Variants in C14orf180 observed in about 807,000 individuals in gnomAD.
C14orf180 encodes the protein nutritionally-regulated adipose and cardiac enriched protein homolog.
Under a neutral mutation model 13.9 loss-of-function variants are expected in C14orf180, and 13 were observed. That is an observed-to-expected ratio of 0.94 (90% confidence interval 0.61 to 1.49). C14orf180 has a LOEUF of 1.49. Among genes scored for constraint, C14orf180 ranks in the 40% most tolerant of loss-of-function variants. C14orf180 has a pLI of 0.00. For synonymous variants in C14orf180, 113 were observed against 106.3 expected (o/e 1.06, Z -0.39); for missense variants, 238 against 232.0 (o/e 1.03, Z -0.17).
At chr14:104,584,143 C>G (rs1247038340) in intron 1 of C14orf180, among the ~76,000 whole-genome samples, 1 of 152,240 alleles carries the variant, frequency 6.6e-6, no homozygotes, top group Non-Finnish European at 1.5e-5. Context: ...CTGCGTCCAG[C>G]CCTGCATCCC....
At chr14:104,584,087 C>G (rs1886530624) in intron 1 of C14orf180, among the ~76,000 whole-genome samples, 1 of 152,224 alleles carries the variant, frequency 6.6e-6, no homozygotes, top group African/African-American at 2.4e-5. Context: ...GACCCCAGGC[C>G]AAGGAGGGGT....
chr14:104,589,632 G>A lies in C14orf180; in HGVS notation c.*849G>A, dbSNP rs2140471863. 6.5e-6 allele frequency: 1 copy of A among 152,768 alleles called. No homozygotes were observed. Among genetic ancestry groups the A allele is most frequent in the South Asian group, 2.1e-4 (1 of 4,826 alleles). 9.5% of individuals were successfully genotyped at this position (152,768 alleles called of 1,614,324 possible). A position where few individuals can be genotyped will look rare whatever the true frequency, so the allele number is the denominator to read the frequency against. On this transcript the variant is annotated 3_prime_UTR_variant, in exon 5 of 5. Transcript: ENST00000557649. This position sits in a 1 kb window ranked among gnomAD's most constrained non-coding sequence, Gnocchi z 4.9. ...ATGACAAACACCAGGGGCCTCTCCA[G>A]ACCCTACGTGGGGGGAGGGCTGAAC... is the stretch of plus-strand genomic sequence containing the variant.
At chr14:104,587,947 C>T in intron 3 of C14orf180, 69 bp downstream of exon 3, 1 of 1,509,558 alleles carries the variant, frequency 6.6e-7, no homozygotes, top group Non-Finnish European at 8.9e-7. Context: ...GGGACACCGG[C>T]CACACCCACA....
chr14:104,581,486 G>A (rs1049003711), intron 1 of C14orf180: 2 of 152,198 alleles, frequency 1.3e-5, no homozygotes, highest in African/African-American at 2.4e-5. Context: ...CAGTGTCGCC[G>A]TAATGGAAAC....
At chr14:104,588,244 C>T in intron 3 of C14orf180, 30 bp from the exon 4 acceptor site, 1 of 1,613,714 alleles carries the variant, frequency 6.2e-7, no homozygotes, top group Non-Finnish European at 8.5e-7. Flanking sequence ...AGGCAGGTGC[C>T]CCCAGCTGAC....
chr14:104,586,820 G>A (rs1478057651), intron 2 of C14orf180, among the ~76,000 whole-genome samples: 1 of 152,180 alleles, frequency 6.6e-6, no homozygotes, highest in Non-Finnish European at 1.5e-5. Context: ...GGCAGCTCAG[G>A]GAGGAGGGTG....
At position 104,589,952 on chromosome 14, in the gene C14orf180, C is replaced by T. The variant is rs960274287; in HGVS notation, c.*1169C>T. Reference sequence around the variant, plus strand: ...CTGGGCGCCTGGAACCTCCCCATCTCCTGCAGGCCTGGGAGTGGATGTGTC... The same window carrying T: ...CTGGGCGCCTGGAACCTCCCCATCTTCTGCAGGCCTGGGAGTGGATGTGTC... On this transcript the variant is annotated 3_prime_UTR_variant, in exon 5 of 5. Transcript: ENST00000557649. This position sits in a 1 kb window ranked among gnomAD's most constrained non-coding sequence, Gnocchi z 4.9. 31 of 152,316 alleles carry T rather than the reference C, an allele frequency of 2.0e-4. No homozygotes were observed. Among genetic ancestry groups the T allele is most frequent in the African/African-American group, 6.7e-4 (28 of 41,560 alleles). 9.4% of individuals were successfully genotyped at this position (152,316 alleles called of 1,614,324 possible).
intron 1 of C14orf180, among the ~76,000 whole-genome samples, chr14:104,583,767 A>G (rs1886517834): frequency 2.6e-5 from 4 of 152,120 alleles, no homozygotes; most frequent in Admixed American, 2.6e-4. Context: ...GCACATTCAC[A>G]TACACTCTAC....
chr14:104,585,273 C>G (rs1886578439), intron 1 of C14orf180, among the ~76,000 whole-genome samples: 1 of 152,204 alleles, frequency 6.6e-6, no homozygotes. Context: ...GAGGACCTGG[C>G]CTGGCATCAG....
intron 2 of C14orf180, 76 bp from the exon 3 acceptor site, chr14:104,587,673 C>T: frequency 6.7e-7 from 1 of 1,485,106 alleles, no homozygotes; most frequent in Non-Finnish European, 9.2e-7. Context: ...TGCTGCTGGG[C>T]CCCACATGGC....
chr14:104,587,826 G>A lies in C14orf180; in HGVS notation c.189G>A (p.Gln63=), dbSNP rs999198899. The A allele has an allele frequency of 6.2e-7, 1 of 1,611,886 alleles. No homozygotes were observed. Among genetic ancestry groups the A allele is most frequent in the Non-Finnish European group, 8.5e-7 (1 of 1,179,396 alleles). The change falls in exon 3 of 5, where the codon CAG becomes CAA. Residue 63 remains glutamine, a synonymous_variant. Transcript: ENST00000557649. ...PEHHRPEAKP[Q]RTSRRVWFRE... is the part of the protein sequence containing the mutation. The stretch of plus-strand genomic sequence containing the variant: ...ACCACCGCCCAGAGGCCAAGCCCCA[G>A]AGGACCTCGAGGCGCGTGTGGTTCC...
chr14:104,585,645 A>G (rs945879152), intron 1 of C14orf180, among the ~76,000 whole-genome samples: 2 of 152,112 alleles, frequency 1.3e-5, no homozygotes, highest in African/African-American at 4.8e-5. Flanking sequence ...AGAGAATCAG[A>G]GAGAGGAAGG....
In C14orf180 at chr14:104,585,692, T is replaced by C. The variant is rs73361812; in HGVS notation, c.-16-723T>C. On this transcript the variant is annotated intron_variant, in intron 1 of 4. Transcript: ENST00000557649. ...AGAAACAGGGAGATAGAGACAGAAT[T>C]AGAGAGAGGCAGGGAGACAGAGATG... Among the ~76,000 whole-genome samples, 113 of 116,488 alleles carry C rather than the reference T, an allele frequency of 9.7e-4. 3 individuals carry two copies. Among genetic ancestry groups the C allele is most frequent in the African/African-American group, 7.2e-3 (110 of 15,186 alleles). The allele number at this position is 116,488 out of a possible 152,430, so 76.4% of individuals were successfully genotyped here.
chr14:104,584,703 G>A (rs1403621554), intron 1 of C14orf180, among the ~76,000 whole-genome samples: 1 of 152,054 alleles, frequency 6.6e-6, no homozygotes, highest in Non-Finnish European at 1.5e-5. Context: ...AAGATAAGCC[G>A]CCCCTCCCCG....
chr14:104,581,816 CAG>C (rs72076529), intron 1 of C14orf180, among the ~76,000 whole-genome samples: 18,610 of 151,714 alleles, frequency 0.12, 1,348 homozygotes, highest in Middle Eastern at 0.19. Flanking sequence ...AACAGGGAAA[CAG>C]GGAGCCTGGC....
intron 1 of C14orf180, among the ~76,000 whole-genome samples, chr14:104,584,156 C>T (rs1011828268): frequency 6.6e-6 from 1 of 152,194 alleles, no homozygotes; most frequent in Non-Finnish European, 1.5e-5. Flanking sequence ...TGCATCCCTG[C>T]GTGACTCCGT....
At chr14:104,582,784 G>A (rs982406359) in intron 1 of C14orf180, among the ~76,000 whole-genome samples, 11 of 152,270 alleles carry the variant, frequency 7.2e-5, no homozygotes, top group Non-Finnish European at 1.3e-4. Context: ...CCCCAGCAGC[G>A]GGCCTAGCGG....
intron 1 of C14orf180, among the ~76,000 whole-genome samples, chr14:104,583,818 T>TCA (rs376368201): frequency 0.011 from 1,657 of 150,294 alleles, 31 homozygotes; most frequent in African/African-American, 0.039. Context: ...GCAGATACAC[T>TCA]CACACACACA....
intron 2 of C14orf180, among the ~76,000 whole-genome samples, chr14:104,587,116 C>G (rs1261428108): frequency 6.6e-6 from 1 of 152,138 alleles, no homozygotes; most frequent in African/African-American, 2.4e-5. Context: ...CAGGGTGCCT[C>G]AGCCCCAGTT....
Sources: gnomAD v4.1 joint callset for allele counts (sites outside exome capture counted in the v4.1 genomes callset) on GRCh38, gnomAD v4.1.1 for gene constraint, Gnocchi (gnomAD v3.1) non-coding constraint, MANE v1.5 for transcripts, NCBI Gene and HGNC (gene_info 2026-07-23, HGNC 2026-07-21) for gene names.